Variants in ZDHHC2 observed in about 807,000 individuals in gnomAD.
ZDHHC2 encodes zDHHC palmitoyltransferase 2.
ZDHHC2 carries 51 observed loss-of-function variants against 55.6 expected under a neutral mutation model. That is an observed-to-expected ratio of 0.92 (90% CI 0.73 to 1.16). The LOEUF (loss-of-function observed/expected upper bound fraction) is 1.16. Among genes scored for constraint, ZDHHC2 ranks in the 50% most tolerant of loss-of-function variants. The probability of loss-of-function intolerance (pLI) is 0.00; values close to 1 mark genes in which losing one functional copy is unlikely to be tolerated. For synonymous variants in ZDHHC2, 199 were observed against 152.9 expected (o/e 1.30, Z -2.22); for missense variants, 491 against 442.4 (o/e 1.11, Z -0.99).
chr8:17,222,729 TTGA>T lies in ZDHHC2; in HGVS notation c.*2510_*2512del, dbSNP rs1157373067. 6 of 21,488 alleles carry T rather than the reference TTGA, an allele frequency of 2.8e-4. No homozygotes were observed. The highest frequency in any genetic ancestry group is 0.026 in the South Asian group (2 of 78). 1.3% of individuals were successfully genotyped at this position (21,488 alleles called of 1,614,324 possible). On this transcript the variant is annotated 3_prime_UTR_variant, in exon 13 of 13. Transcript: ENST00000262096. The stretch of plus-strand genomic sequence containing the variant: ...CTCCTAATATACCCTAATAAAGTGG[TTGA>T]TCACCTACATTATCTGTCTATAAGA...
At chr8:17,184,520 A>G (rs944182017) in intron 1 of ZDHHC2, among the ~76,000 whole-genome samples, 2 of 152,150 alleles carry the variant, frequency 1.3e-5, no homozygotes, top group African/African-American at 4.8e-5. Context: ...TAAGACCCGC[A>G]AGGGGCACAC....
chr8:17,156,880 C>G, intron 1 of ZDHHC2, 27 bp downstream of exon 1: 2 of 1,480,672 alleles, frequency 1.4e-6, no homozygotes, highest in Non-Finnish European at 1.8e-6. Context: ...CCGCGGCGCC[C>G]CCAGCGCAGC....
At chr8:17,184,259 A>G (rs1216580093) in intron 1 of ZDHHC2, among the ~76,000 whole-genome samples, 1 of 152,182 alleles carries the variant, frequency 6.6e-6, no homozygotes, top group Non-Finnish European at 1.5e-5. Context: ...GTTTCCCAGC[A>G]CTGCCTGGCC....
chr8:17,178,974 AG>A (rs768673235), intron 1 of ZDHHC2, among the ~76,000 whole-genome samples: 4 of 151,968 alleles, frequency 2.6e-5, no homozygotes, highest in Non-Finnish European at 5.9e-5. Flanking sequence ...TTTTTGAGAC[AG>A]GGTCACGCTC....
At chr8:17,204,845 A>T (rs1173461940) in intron 6 of ZDHHC2, among the ~76,000 whole-genome samples, 1 of 152,124 alleles carries the variant, frequency 6.6e-6, no homozygotes, top group Admixed American at 6.5e-5. Context: ...TTTTTAAAAA[A>T]GAAAAATCTT....
intron 6 of ZDHHC2, among the ~76,000 whole-genome samples, chr8:17,199,546 T>TTCTTCTTC: frequency 2.5e-5 from 1 of 40,668 alleles, no homozygotes; most frequent in South Asian, 6.4e-4. Flanking sequence ...CTTCGTCTTC[T>TTCTTCTTC]GTCTTCGTCT....
intron 6 of ZDHHC2, among the ~76,000 whole-genome samples, chr8:17,198,801 A>G (rs983029843): frequency 1.3e-5 from 2 of 152,358 alleles, no homozygotes; most frequent in African/African-American, 4.8e-5. Context: ...AAGCTTTTTA[A>G]CAATTTATTT....
At chr8:17,173,263 C>G (rs1804956346) in intron 1 of ZDHHC2, among the ~76,000 whole-genome samples, 1 of 152,210 alleles carries the variant, frequency 6.6e-6, no homozygotes, top group South Asian at 2.1e-4. Flanking sequence ...TAGATCCCAT[C>G]ATGACTTGGA....
At chr8:17,182,177 T>A (rs966141359) in intron 1 of ZDHHC2, among the ~76,000 whole-genome samples, 2 of 152,214 alleles carry the variant, frequency 1.3e-5, no homozygotes, top group African/African-American at 4.8e-5. Context: ...AAAATGTTGC[T>A]AGTACTTATT....
intron 1 of ZDHHC2, among the ~76,000 whole-genome samples, chr8:17,174,705 CTTTTTTTTTTTT>C (rs546670520): frequency 6.5e-5 from 4 of 61,944 alleles, no homozygotes; most frequent in Non-Finnish European, 1.2e-4. Context: ...TTGTGTTATT[CTTTTTTTTTTTT>C]TTTTTTTTTT....
At chr8:17,183,701 T>C (rs1805551599) in intron 1 of ZDHHC2, among the ~76,000 whole-genome samples, 2 of 152,182 alleles carry the variant, frequency 1.3e-5, no homozygotes, top group African/African-American at 2.4e-5. Flanking sequence ...TTTGTTGCTA[T>C]GGTTTGGAAG....
intron 6 of ZDHHC2, among the ~76,000 whole-genome samples, chr8:17,202,149 T>C (rs1034314060): frequency 1.3e-5 from 2 of 152,230 alleles, no homozygotes; most frequent in African/African-American, 4.8e-5. Context: ...GTTTATTGAG[T>C]GCCGGTTATG....
At chr8:17,189,829 C>A (rs562691984) in intron 3 of ZDHHC2, among the ~76,000 whole-genome samples, 1 of 152,198 alleles carries the variant, frequency 6.6e-6, no homozygotes, top group African/African-American at 2.4e-5. Context: ...AAAAGACGTA[C>A]CTTAGTCATA....
At chr8:17,162,904 G>GAA (rs1804419042) in intron 1 of ZDHHC2, 1 of 152,094 alleles carries the variant, frequency 6.6e-6, no homozygotes, top group Admixed American at 6.5e-5. Context: ...GTAGAAATGA[G>GAA]TTTTAAGTCA....
chr8:17,212,545 A>T (rs1288180955), intron 10 of ZDHHC2, among the ~76,000 whole-genome samples: 3 of 152,128 alleles, frequency 2.0e-5, no homozygotes, highest in Non-Finnish European at 4.4e-5. Context: ...CTATAATCTG[A>T]ATACTTTCTA....
At chr8:17,174,738 T>A (rs766537803) in intron 1 of ZDHHC2, among the ~76,000 whole-genome samples, 5 of 146,032 alleles carry the variant, frequency 3.4e-5, no homozygotes, top group Non-Finnish European at 1.5e-5. Context: ...TGAGACATAG[T>A]CTGGCTTTGT....
At chr8:17,181,378 G>A (rs1159847926) in intron 1 of ZDHHC2, among the ~76,000 whole-genome samples, 2 of 152,154 alleles carry the variant, frequency 1.3e-5, no homozygotes, top group Admixed American at 6.6e-5. Flanking sequence ...TGTTTAAATT[G>A]AAAATAAAAG....
chr8:17,177,462 A>C (rs193221393), intron 1 of ZDHHC2, among the ~76,000 whole-genome samples: 169 of 152,320 alleles, frequency 1.1e-3, no homozygotes, highest in African/African-American at 3.8e-3. Context: ...TTTTTGTCAT[A>C]ATCTTTTGAA....
chr8:17,178,226 T>C (rs1805249845), intron 1 of ZDHHC2, among the ~76,000 whole-genome samples: 2 of 152,198 alleles, frequency 1.3e-5, no homozygotes, highest in Admixed American at 1.3e-4. Context: ...AGTAACACTT[T>C]AATAATAATC....
Sources: allele counts gnomAD v4.1 joint callset (sites outside exome capture counted in the v4.1 genomes callset), GRCh38; gene constraint gnomAD v4.1.1; transcripts MANE v1.5; gene names NCBI Gene and HGNC (gene_info 2026-07-23, HGNC 2026-07-21).